BAZ1A: variants seen among roughly 807,000 people sequenced by gnomAD.
BAZ1A encodes bromodomain adjacent to zinc finger domain protein 1A.
BAZ1A carries 50 observed loss-of-function variants against 185.2 expected under a neutral mutation model. That is an observed-to-expected ratio of 0.27 (90% CI 0.22 to 0.34). The LOEUF (loss-of-function observed/expected upper bound fraction) is 0.34. Ranked by LOEUF, BAZ1A falls within the 10% of genes least tolerant of loss-of-function variation. The pLI is 1.00. For synonymous variants in BAZ1A, 571 were observed against 615.6 expected (o/e 0.93, Z 1.07); for missense variants, 1,356 against 1,839.9 (o/e 0.74, Z 4.81).
intron 3 of BAZ1A, among the ~76,000 whole-genome samples, chr14:34,829,415 TAA>T (rs890875732): frequency 6.7e-6 from 1 of 149,908 alleles, no homozygotes; most frequent in African/African-American, 2.5e-5. Flanking sequence ...TAAATAAAAA[TAA>T]AAAAAAAGAC....
chr14:34,871,554 A>G (rs1379983784), intron 2 of BAZ1A, among the ~76,000 whole-genome samples: 1 of 152,230 alleles, frequency 6.6e-6, no homozygotes, highest in African/African-American at 2.4e-5. Context: ...TGTCTCAAAG[A>G]GTTCAGGTTC....
At chr14:34,799,407 C>T (rs991904674) in intron 9 of BAZ1A, among the ~76,000 whole-genome samples, 12 of 151,954 alleles carry the variant, frequency 7.9e-5, no homozygotes, top group Admixed American at 2.0e-4. Flanking sequence ...TCAAGGGAGA[C>T]GATAGACAAC....
intron 3 of BAZ1A, among the ~76,000 whole-genome samples, chr14:34,841,933 T>C (rs985971052): frequency 6.6e-6 from 1 of 152,208 alleles, no homozygotes; most frequent in Non-Finnish European, 1.5e-5. Context: ...GACTCCATCC[T>C]ATCAAGTTTT....
intron 25 of BAZ1A, among the ~76,000 whole-genome samples, chr14:34,756,617 C>T (rs941412686): frequency 2.6e-5 from 4 of 151,780 alleles, no homozygotes; most frequent in African/African-American, 2.4e-5. Flanking sequence ...AGGCATGCAC[C>T]ACCATGCTCA....
chr14:34,790,177 T>A (rs2138627999), intron 12 of BAZ1A, among the ~76,000 whole-genome samples: 1 of 151,822 alleles, frequency 6.6e-6, no homozygotes. Context: ...TCTTTTTTTT[T>A]TTTTTCCCTT....
At chr14:34,783,993 T>C in intron 14 of BAZ1A, 66 bp from the exon 15 acceptor site, 1 of 1,388,822 alleles carries the variant, frequency 7.2e-7, no homozygotes, top group Non-Finnish European at 9.7e-7. Flanking sequence ...TTGAACTTTT[T>C]AAATTTGTGG....
intron 26 of BAZ1A, 28 bp from the exon 27 acceptor site, chr14:34,753,732 AGAAT>A (rs1399144986): frequency 6.7e-7 from 1 of 1,495,236 alleles, no homozygotes; most frequent in African/African-American, 1.4e-5. Flanking sequence ...CAAAAAGATT[AGAAT>A]GAAAGTACAT....
chr14:34,799,498 T>G (rs1383906483), intron 9 of BAZ1A, among the ~76,000 whole-genome samples: 1 of 152,136 alleles, frequency 6.6e-6, no homozygotes, highest in African/African-American at 2.4e-5. Flanking sequence ...ATGGCTGACT[T>G]TGGAGGAAAC....
intron 4 of BAZ1A, among the ~76,000 whole-genome samples, chr14:34,813,200 T>C (rs1454818945): frequency 7.1e-6 from 1 of 140,008 alleles, no homozygotes; most frequent in East Asian, 2.0e-4. Context: ...CTTGGCAACA[T>C]GGGGAAACCT....
At chr14:34,759,182 T>TGTTGTTTTTTTTTTG (rs1379077587) in intron 24 of BAZ1A, among the ~76,000 whole-genome samples, 3 of 119,062 alleles carry the variant, frequency 2.5e-5, no homozygotes, top group Non-Finnish European at 5.0e-5. Flanking sequence ...TTTTTTTTTT[T>TGTTGTTTTTTTTTTG]TTTTTTTTTT....
intron 12 of BAZ1A, among the ~76,000 whole-genome samples, 161 bp downstream of exon 12, chr14:34,792,614 T>C (rs528727014): frequency 6.6e-6 from 1 of 152,298 alleles, no homozygotes; most frequent in East Asian, 1.9e-4. Context: ...AAAATTTTTG[T>C]AACATAATCC....
chr14:34,792,097 T>TG (rs1880882463), intron 12 of BAZ1A, among the ~76,000 whole-genome samples: 1 of 152,182 alleles, frequency 6.6e-6, no homozygotes, highest in African/African-American at 2.4e-5. Flanking sequence ...ATTAAAGTAT[T>TG]TCCTGGTCAG....
chr14:34,860,516 G>GT (rs1215600704), intron 3 of BAZ1A, among the ~76,000 whole-genome samples: 10 of 30,986 alleles, frequency 3.2e-4, no homozygotes, highest in South Asian at 2.3e-3. Context: ...TATACCAAAA[G>GT]TTAAAAAAAA....
At chr14:34,822,528 G>A (rs1209143323) in intron 4 of BAZ1A, among the ~76,000 whole-genome samples, 1 of 151,530 alleles carries the variant, frequency 6.6e-6, no homozygotes, top group African/African-American at 2.4e-5. Flanking sequence ...AGGAAAGCTG[G>A]CTTGAGCCCA....
Position 34,761,956 on chromosome 14 carries a change from A to G in BAZ1A, c.4044T>C (p.Phe1348=). The G allele has an allele frequency of 6.2e-7, 1 of 1,614,204 alleles. No individual in the cohort carries two copies. The highest frequency in any genetic ancestry group is 8.5e-7 in the Non-Finnish European group (1 of 1,180,032). Residue 1348 remains phenylalanine, a synonymous_variant, in exon 24 of 27, where the codon TTT becomes TTC. Coordinates refer to ENST00000360310, the MANE Select transcript of BAZ1A (RefSeq NM_013448.3). ...HSHGPLQADV[F]VELLSPRRKR... is the part of the protein sequence containing the mutation. ...TTCTACGAGGACTAAGCAATTCCAC[A>G]AATACATCTGCTTGCAGTGGGCCAT...
chr14:34,753,834 T>C, intron 26 of BAZ1A, 130 bp from the exon 27 acceptor site: 1 of 758,804 alleles, frequency 1.3e-6, no homozygotes, highest in African/African-American at 1.8e-5. Flanking sequence ...AAGAGAAGAC[T>C]CTGGCTAGGC....
At position 34,842,685 on chromosome 14, in the gene BAZ1A, T is replaced by A. The variant is rs369900531; in HGVS notation, c.393-16529A>T. Among the ~76,000 whole-genome samples, 173 of 152,318 alleles carry A rather than the reference T, an allele frequency of 1.1e-3. 6 individuals are homozygous for A. In the South Asian group the frequency reaches 0.032, roughly 28 times the overall value. ...ATAATATCTTTTAATCCTGCTTAAC[T>A]GCTATCCTTTAGTATGTTGTCATAC... On this transcript the variant is annotated intron_variant, in intron 3 of 26. Transcript: ENST00000360310.
At chr14:34,756,207 G>A (rs1158442726) in intron 25 of BAZ1A, among the ~76,000 whole-genome samples, 6 of 149,624 alleles carry the variant, frequency 4.0e-5, no homozygotes, top group East Asian at 2.0e-4. Context: ...TCTGCCTCCC[G>A]GGTTCAAGCG....
Position 34,826,760 on chromosome 14 carries a change from G to C in BAZ1A, c.393-604C>G, listed in dbSNP as rs1246908935. 5.3e-5 allele frequency among the ~76,000 whole-genome samples: 8 copies of C among 152,166 alleles called. 1 individual carries two copies. Among genetic ancestry groups the C allele is most frequent in the Non-Finnish European group, 1.2e-4 (8 of 68,034 alleles). Reference sequence around the variant, plus strand: ...GATGCTTAATTTTAGGTGTGAACTTGACTGCATTAAGGCAAAAGCAGATAG... The same window carrying C: ...GATGCTTAATTTTAGGTGTGAACTTCACTGCATTAAGGCAAAAGCAGATAG... On this transcript the variant is annotated intron_variant, in intron 3 of 26. Coordinates refer to ENST00000360310, the MANE Select transcript of BAZ1A (RefSeq NM_013448.3).
Sources: allele counts gnomAD v4.1 joint callset (sites outside exome capture counted in the v4.1 genomes callset), GRCh38; gene constraint gnomAD v4.1.1; transcripts MANE v1.5; gene names NCBI Gene and HGNC (gene_info 2026-07-23, HGNC 2026-07-21).